The following RIC8B variants were observed in gnomAD, a reference collection of about 807,000 sequenced individuals.
RIC8B encodes chaperone Ric-8B.
In RIC8B, 16 loss-of-function variants were observed where a neutral mutation model predicts 57.5. That is an observed-to-expected ratio of 0.28 (90% CI 0.19 to 0.42). The LOEUF (loss-of-function observed/expected upper bound fraction) is 0.42, where lower values mean the gene tolerates loss of function less well. RIC8B is among the 10% of genes least tolerant of loss of function. The pLI, the probability that RIC8B is intolerant of heterozygous loss-of-function variation, is 1.00. For synonymous variants in RIC8B, 216 were observed against 250.8 expected, an observed-to-expected ratio of 0.86 and a Z score of 1.31; for missense variants, 481 against 677.0, an observed-to-expected ratio of 0.71 and a Z score of 3.21.
At chr12:106,812,498 A>G (rs1236473475) in intron 2 of RIC8B, among the ~76,000 whole-genome samples, 1 of 151,642 alleles carries the variant, frequency 6.6e-6, no homozygotes, top group Non-Finnish European at 1.5e-5. Context: ...AGAATGGAAG[A>G]AAGATATTTG....
At position 106,879,865 on chromosome 12, in the gene RIC8B, G is replaced by T; in HGVS notation, c.1572-6039G>T. The T allele has an allele frequency of 1.0e-6, 1 of 985,412 alleles. No individual in the cohort carries two copies. Among genetic ancestry groups the T allele is most frequent in the Non-Finnish European group, 1.2e-6 (1 of 829,926 alleles). The allele number at this position is 985,412 out of a possible 1,614,324, so 61.0% of individuals were successfully genotyped here. On this transcript the variant is annotated intron_variant, in intron 9 of 9. Coordinates refer to ENST00000392837, the MANE Select transcript of RIC8B (RefSeq NM_001330145.2). The surrounding 1 kb of genome is among the most constrained non-coding windows in gnomAD (Gnocchi z 4.9). The stretch of plus-strand genomic sequence containing the variant: ...GATACTGTCACAGTGCCTAGAATGG[G>T]CTCTTTATCCAGTAGACACCACTGT...
At chr12:106,787,143 A>G (rs1470642119) in intron 2 of RIC8B, among the ~76,000 whole-genome samples, 1 of 152,248 alleles carries the variant, frequency 6.6e-6, no homozygotes, top group Non-Finnish European at 1.5e-5. Context: ...TGAAGAGAGT[A>G]ACTACTCTGT....
At chr12:106,849,606 G>T (rs1949373891) in intron 6 of RIC8B, among the ~76,000 whole-genome samples, 1 of 151,758 alleles carries the variant, frequency 6.6e-6, no homozygotes, top group Non-Finnish European at 1.5e-5. Flanking sequence ...AGATCCCCAG[G>T]TGTTTGGAAT....
intron 2 of RIC8B, among the ~76,000 whole-genome samples, chr12:106,797,207 C>T (rs916552783): frequency 1.3e-5 from 2 of 152,170 alleles, no homozygotes; most frequent in African/African-American, 4.8e-5. Context: ...AACTTGTACA[C>T]AAATATTCAT....
At chr12:106,874,294 G>A (rs1334640638) in intron 9 of RIC8B, among the ~76,000 whole-genome samples, 1 of 152,128 alleles carries the variant, frequency 6.6e-6, no homozygotes, top group Non-Finnish European at 1.5e-5. Context: ...ACTCTAGGAC[G>A]TTCTGCATTC....
Position 106,807,780 on chromosome 12 carries a change from C to T in RIC8B, c.133-6916C>T, listed in dbSNP as rs562377805. ...CCTCTGTATCCATAGATTCAACCAA[C>T]AGAATTCAAAAATATTTAGGGGAGG... On this transcript the variant is annotated intron_variant, in intron 2 of 9. Transcript: ENST00000392837. Among the ~76,000 whole-genome samples, 335 of 152,196 alleles carry T rather than the reference C, an allele frequency of 2.2e-3. 1 individual carries two copies. The highest frequency in any genetic ancestry group is 3.5e-3 in the Non-Finnish European group (235 of 67,982).
At chr12:106,876,955 T>C (rs1393404314) in intron 9 of RIC8B, among the ~76,000 whole-genome samples, 1 of 152,102 alleles carries the variant, frequency 6.6e-6, no homozygotes, top group Non-Finnish European at 1.5e-5. Context: ...GTAAATAAAT[T>C]ACCAAGAAAT....
Position 106,789,478 on chromosome 12 carries a change from A to C in RIC8B, c.132+5434A>C, listed in dbSNP as rs1037140996. On this transcript the variant is annotated intron_variant, in intron 2 of 9. Transcript: ENST00000392837. ...TAAAGACATACCCGAGACTGGGAAG[A>C]AAAAGCAGTTTAATTGGACTTAAAA... Among the ~76,000 whole-genome samples, 6 of 152,228 alleles carry C rather than the reference A, an allele frequency of 3.9e-5. No individual in the cohort carries two copies. In the East Asian group the frequency reaches 1.2e-3, roughly 29 times the overall value.
chr12:106,874,609 A>G, intron 9 of RIC8B: 1 of 1,403,728 alleles, frequency 7.1e-7, no homozygotes, highest in South Asian at 1.3e-5. Context: ...GGTGTAGGGT[A>G]TAGATGTTAT....
chr12:106,793,936 TG>T (rs1191243421), intron 2 of RIC8B, among the ~76,000 whole-genome samples: 1 of 13,564 alleles, frequency 7.4e-5, no homozygotes, highest in Non-Finnish European at 1.5e-4. Context: ...GGGGTGGGGG[TG>T]GGGGAGGGAA....
At chr12:106,827,701 A>G (rs2046170949) in intron 4 of RIC8B, among the ~76,000 whole-genome samples, 1 of 152,230 alleles carries the variant, frequency 6.6e-6, no homozygotes, top group African/African-American at 2.4e-5. Context: ...AAAAAAAGTC[A>G]GATTAACTGC....
chr12:106,877,823 T>G (rs1222750367), intron 9 of RIC8B, among the ~76,000 whole-genome samples: 1 of 152,170 alleles, frequency 6.6e-6, no homozygotes. Context: ...TTTGCAATTT[T>G]TTTTAAGCTC....
chr12:106,829,051 TAG>T (rs1237522844), intron 4 of RIC8B, among the ~76,000 whole-genome samples: 3 of 152,232 alleles, frequency 2.0e-5, no homozygotes, highest in Non-Finnish European at 4.4e-5. Context: ...GACATGGACA[TAG>T]AGATGAAATG....
intron 4 of RIC8B, among the ~76,000 whole-genome samples, chr12:106,839,313 T>C (rs2046763416): frequency 6.6e-6 from 1 of 152,152 alleles, no homozygotes; most frequent in Non-Finnish European, 1.5e-5. Context: ...TGTGCGTATA[T>C]ATGTATACAC....
chr12:106,838,079 A>G (rs1227137958), intron 4 of RIC8B, among the ~76,000 whole-genome samples: 6 of 152,244 alleles, frequency 3.9e-5, no homozygotes, highest in African/African-American at 1.2e-4. Flanking sequence ...AGGTATTACC[A>G]TAATCAAGGC....
At chr12:106,793,462 T>A (rs373057741) in intron 2 of RIC8B, among the ~76,000 whole-genome samples, 1 of 152,286 alleles carries the variant, frequency 6.6e-6, no homozygotes, top group East Asian at 1.9e-4. Flanking sequence ...ATTGGAGATA[T>A]AGGTTAACCC....
intron 4 of RIC8B, among the ~76,000 whole-genome samples, chr12:106,833,419 T>C (rs2136369818): frequency 6.6e-6 from 1 of 152,194 alleles, no homozygotes; most frequent in South Asian, 2.1e-4. Context: ...CTGACCAACA[T>C]GGAGAAACCC....
At chr12:106,857,658 C>T (rs1179046139) in intron 7 of RIC8B, among the ~76,000 whole-genome samples, 1 of 152,052 alleles carries the variant, frequency 6.6e-6, no homozygotes, top group East Asian at 1.9e-4. Context: ...TTAGAACCAC[C>T]CAGAAAATCT....
At position 106,815,071 on chromosome 12, in the gene RIC8B, CTTCT is replaced by C; in HGVS notation, c.509_512del (p.Leu170ArgfsTer22). The C allele has an allele frequency of 1.2e-6, 2 of 1,614,240 alleles. No individual in the cohort carries two copies. The highest frequency in any genetic ancestry group is 1.7e-6 in the Non-Finnish European group (2 of 1,180,042). On this transcript the variant is annotated frameshift_variant, in exon 3 of 10. Coordinates refer to ENST00000392837, the MANE Select transcript of RIC8B (RefSeq NM_001330145.2). LOFTEE classifies it high-confidence loss of function. ...GTGCTTTGACTTGCGCTTGCTCTTC[CTTCT>C]GTCACTTTTGCACACCGACATCAGG... is the stretch of plus-strand genomic sequence containing the variant.
Sources: allele counts gnomAD v4.1 joint callset (sites outside exome capture counted in the v4.1 genomes callset), GRCh38; gene constraint gnomAD v4.1.1; non-coding constraint Gnocchi (gnomAD v3.1); transcripts MANE v1.5; gene names NCBI Gene and HGNC (gene_info 2026-07-23, HGNC 2026-07-21).